Variants in UVRAG observed in about 807,000 individuals in gnomAD.
The protein encoded by UVRAG is UV radiation resistance-associated gene protein.
A neutral mutation model predicts 78.0 loss-of-function variants in UVRAG; 19 were observed. The observed-to-expected ratio is 0.24, with a 90% CI of 0.17 to 0.36. The LOEUF is 0.36. UVRAG is among the 10% of genes least tolerant of loss of function. The pLI, the probability that UVRAG is intolerant of heterozygous loss-of-function variation, is 1.00. For synonymous variants in UVRAG, 323 were observed against 324.6 expected (o/e 1.00, Z 0.05); for missense variants, 740 against 853.8 (o/e 0.87, Z 1.66).
chr11:76,143,439 C>T lies in UVRAG; in HGVS notation c.*2026C>T, dbSNP rs575671121. On this transcript the variant is annotated 3_prime_UTR_variant, in exon 15 of 15. Coordinates refer to ENST00000356136, the MANE Select transcript of UVRAG (RefSeq NM_003369.4). The stretch of plus-strand genomic sequence containing the variant: ...GGGGTCTACCCGTCAGTGCCCCCCA[C>T]CGCTGTGCAGACTCCCTGGTTGATC... Among the ~76,000 whole-genome samples, 38 of 152,346 alleles carry T rather than the reference C, an allele frequency of 2.5e-4. No homozygotes were observed. The highest frequency in any genetic ancestry group is 8.9e-4 in the African/African-American group (37 of 41,582).
At chr11:75,850,892 T>C (rs1946141224) in intron 1 of UVRAG, among the ~76,000 whole-genome samples, 1 of 152,208 alleles carries the variant, frequency 6.6e-6, no homozygotes, top group Non-Finnish European at 1.5e-5. Flanking sequence ...ATCTCTAGAT[T>C]GGGAGAAAGG....
intron 12 of UVRAG, among the ~76,000 whole-genome samples, chr11:76,051,921 G>T (rs1023158585): frequency 2.0e-5 from 3 of 152,152 alleles, no homozygotes; most frequent in Admixed American, 6.5e-5. Context: ...GTGTGTAGAG[G>T]GCCCTACCTA....
chr11:75,975,372 C>A (rs1949216746), intron 7 of UVRAG, among the ~76,000 whole-genome samples: 2 of 152,056 alleles, frequency 1.3e-5, no homozygotes, highest in African/African-American at 4.8e-5. Flanking sequence ...TCCATATGAA[C>A]TTTAAAGTAG....
chr11:76,025,638 G>A lies in UVRAG; in HGVS notation c.1226+8658G>A, dbSNP rs191488118. Among the ~76,000 whole-genome samples the A allele has an allele frequency of 2.5e-4, 38 of 152,218 alleles. 1 individual carries two copies. The highest frequency in any genetic ancestry group is 2.0e-3 in the Admixed American group (30 of 15,272). On this transcript the variant is annotated intron_variant, in intron 12 of 14. Coordinates refer to ENST00000356136, the MANE Select transcript of UVRAG (RefSeq NM_003369.4). ...TGTACTTATGTTTGTTCCTATGGAGGATCCTGACCTTACCAAAACCCCAAG... is the reference window on the plus strand; with the variant it reads ...TGTACTTATGTTTGTTCCTATGGAGAATCCTGACCTTACCAAAACCCCAAG...
intron 4 of UVRAG, among the ~76,000 whole-genome samples, chr11:75,888,563 A>G (rs1333213981): frequency 2.0e-5 from 3 of 152,186 alleles, no homozygotes; most frequent in Non-Finnish European, 2.9e-5. Context: ...TTCCATAACA[A>G]CCTCAAGAAA....
At chr11:75,975,833 CT>C (rs1330484822) in intron 7 of UVRAG, among the ~76,000 whole-genome samples, 3 of 152,220 alleles carry the variant, frequency 2.0e-5, no homozygotes, top group African/African-American at 7.2e-5. Context: ...TTGACTTCCT[CT>C]TTTCCTAATT....
intron 13 of UVRAG, among the ~76,000 whole-genome samples, chr11:76,095,723 T>C (rs1409124614): frequency 6.6e-6 from 1 of 151,586 alleles, no homozygotes; most frequent in East Asian, 1.9e-4. Flanking sequence ...TTTTAAAAAT[T>C]AGCTGGGCAT....
At chr11:75,849,366 T>C (rs1384874774) in intron 1 of UVRAG, among the ~76,000 whole-genome samples, 2 of 151,142 alleles carry the variant, frequency 1.3e-5, no homozygotes, top group African/African-American at 2.4e-5. Flanking sequence ...ATTAGCCGGG[T>C]GCCTGTAGTC....
chr11:75,838,021 A>G (rs183263104), intron 1 of UVRAG, among the ~76,000 whole-genome samples: 24 of 152,158 alleles, frequency 1.6e-4, no homozygotes, highest in Non-Finnish European at 3.1e-4. Context: ...GTCTCTACAT[A>G]CCACCACCGC....
rs1952730227 is a variant in UVRAG at position 76,141,916 on chromosome 11, ACATC to A, written c.*504_*507del. 2 of 160,516 alleles carry A rather than the reference ACATC, an allele frequency of 1.2e-5. 1 individual carries two copies. Among genetic ancestry groups the A allele is most frequent in the Admixed American group, 1.2e-4 (2 of 16,580 alleles). 9.9% of individuals were successfully genotyped at this position (160,516 alleles called of 1,614,324 possible). A position where few individuals can be genotyped will look rare whatever the true frequency, so the allele number is the denominator to read the frequency against. On this transcript the variant is annotated 3_prime_UTR_variant, in exon 15 of 15. Transcript: ENST00000356136. Reference sequence around the variant, plus strand: ...GAAGAAGCAGCATAGTGGTCTCCTTACATCTAGGCCTAACTGTCCCTCTTCCTGC... The same window carrying A: ...GAAGAAGCAGCATAGTGGTCTCCTTATAGGCCTAACTGTCCCTCTTCCTGC...
At chr11:75,894,168 G>A (rs1189517888) in intron 5 of UVRAG, among the ~76,000 whole-genome samples, 1 of 152,180 alleles carries the variant, frequency 6.6e-6, no homozygotes, top group Admixed American at 6.5e-5. Flanking sequence ...GGTGAAAGAA[G>A]CTAGGCCATT....
chr11:76,144,112 C>A lies in UVRAG; in HGVS notation c.*2699C>A, dbSNP rs1457913948. On this transcript the variant is annotated 3_prime_UTR_variant, in exon 15 of 15. Transcript: ENST00000356136. ...ATGGTGCCCATTTATCCTGACCTAA[C>A]CAGTTATTTAAATAATTTTTTAAAC... Among the ~76,000 whole-genome samples, 1 of 152,102 alleles carries A rather than the reference C, an allele frequency of 6.6e-6. No homozygotes were observed. Among genetic ancestry groups the A allele is most frequent in the African/African-American group, 2.4e-5 (1 of 41,384 alleles).
At chr11:75,935,964 T>C (rs1338313022) in intron 6 of UVRAG, among the ~76,000 whole-genome samples, 1 of 152,210 alleles carries the variant, frequency 6.6e-6, no homozygotes, top group Non-Finnish European at 1.5e-5. Context: ...GTCATGTATC[T>C]TTACTCTCTG....
At chr11:75,912,760 G>C (rs1170112649) in intron 6 of UVRAG, among the ~76,000 whole-genome samples, 1 of 152,194 alleles carries the variant, frequency 6.6e-6, no homozygotes, top group Non-Finnish European at 1.5e-5. Context: ...CAGAACATTA[G>C]ACATCCTTTA....
At chr11:76,106,290 T>C (rs1951967876) in intron 13 of UVRAG, among the ~76,000 whole-genome samples, 1 of 152,198 alleles carries the variant, frequency 6.6e-6, no homozygotes, top group Admixed American at 6.6e-5. Flanking sequence ...CTCTGTTCTA[T>C]TAGACTGTAA....
intron 6 of UVRAG, among the ~76,000 whole-genome samples, chr11:75,953,601 C>T (rs1253706363): frequency 2.0e-5 from 3 of 152,124 alleles, no homozygotes; most frequent in Non-Finnish European, 4.4e-5. Context: ...TCAATATTAT[C>T]TTCTAACTTC....
At chr11:75,951,324 A>AGT in intron 6 of UVRAG, among the ~76,000 whole-genome samples, 1 of 76,520 alleles carries the variant, frequency 1.3e-5, no homozygotes, top group East Asian at 3.0e-4. Flanking sequence ...TATAATCTGA[A>AGT]ATGTGTGTGT....
intron 13 of UVRAG, among the ~76,000 whole-genome samples, chr11:76,084,002 C>CTGGCTAGTTGGTTAG (rs1951542456): frequency 6.6e-6 from 1 of 152,210 alleles, no homozygotes; most frequent in African/African-American, 2.4e-5. Flanking sequence ...TTGGTTAGTG[C>CTGGCTAGTTGGTTAG]TGCCTTAGGA....
chr11:75,994,488 A>G (rs919575922), intron 8 of UVRAG, among the ~76,000 whole-genome samples: 1 of 152,196 alleles, frequency 6.6e-6, no homozygotes, highest in Non-Finnish European at 1.5e-5. Flanking sequence ...ATTCCATACT[A>G]CCTAAAACTT....
Sources: allele counts gnomAD v4.1 joint callset (sites outside exome capture counted in the v4.1 genomes callset), GRCh38; gene constraint gnomAD v4.1.1; transcripts MANE v1.5; gene names NCBI Gene and HGNC (gene_info 2026-07-23, HGNC 2026-07-21).